Variants in CHRNA3 observed in about 807,000 individuals in gnomAD.
CHRNA3 encodes cholinergic receptor nicotinic alpha 3 subunit, also known as neuronal acetylcholine receptor subunit alpha-3.
Under a neutral mutation model 41.9 loss-of-function variants are expected in CHRNA3, and 34 were observed. The ratio of observed to expected loss-of-function variants is 0.81; its 90% CI spans 0.62 to 1.08. The LOEUF is 1.08. CHRNA3 is among the 50% of genes least tolerant of loss of function. The pLI, the probability that CHRNA3 is intolerant of heterozygous loss-of-function variation, is 0.00. For synonymous variants in CHRNA3, 281 were observed against 265.2 expected, an observed-to-expected ratio of 1.06 and a Z score of -0.58; for missense variants, 542 against 638.3, an observed-to-expected ratio of 0.85 and a Z score of 1.63.
At chr15:78,612,906 G>A (rs1488755578) in intron 4 of CHRNA3, among the ~76,000 whole-genome samples, 13 of 151,668 alleles carry the variant, frequency 8.6e-5, no homozygotes, top group Non-Finnish European at 2.9e-5. Context: ...AAAAGTGGGT[G>A]AAGGATATGA....
At chr15:78,617,696 G>A (rs1299401954) in intron 3 of CHRNA3, among the ~76,000 whole-genome samples, 1 of 152,198 alleles carries the variant, frequency 6.6e-6, no homozygotes, top group Non-Finnish European at 1.5e-5. Flanking sequence ...GGGAACGTGT[G>A]CATCAAGTAC....
chr15:78,613,779 AAAAAAACC>A (rs2053421028), intron 4 of CHRNA3, among the ~76,000 whole-genome samples: 3 of 23,070 alleles, frequency 1.3e-4, no homozygotes, highest in Admixed American at 7.5e-4. Flanking sequence ...AAAAAAACCA[AAAAAAACC>A]ACAAAAAAAT....
At chr15:78,615,242 C>T (rs1028248762) in intron 4 of CHRNA3, among the ~76,000 whole-genome samples, 3 of 152,194 alleles carry the variant, frequency 2.0e-5, no homozygotes, top group African/African-American at 7.2e-5. Context: ...AAGGCCCAGA[C>T]CTTTTCCCAG....
chr15:78,620,774 C>T lies in CHRNA3; in HGVS notation c.21G>A (p.Ser7=). 2 of 1,495,774 alleles carry T rather than the reference C, an allele frequency of 1.3e-6. No individual in the cohort carries two copies. The highest frequency in any genetic ancestry group is 2.1e-5 in the Admixed American group (1 of 47,240). 92.7% of individuals were successfully genotyped at this position (1,495,774 alleles called of 1,614,324 possible). A position where few individuals can be genotyped will look rare whatever the true frequency, so the allele number is the denominator to read the frequency against. The change falls in exon 1 of 6, where the codon TCG becomes TCA. Residue 7 remains serine (S), a synonymous_variant. Transcript: ENST00000326828. ...GCGGCGGCGACAGCGCCAGGGGCAG[C>T]GAGAGCGGGCCAGAGCCCATGGCTG... is the stretch of plus-strand genomic sequence containing the variant. MGSGPL[S]LPLALSPPRL...
At chr15:78,612,518 T>C in intron 4 of CHRNA3, among the ~76,000 whole-genome samples, 1 of 107,534 alleles carries the variant, frequency 9.3e-6, no homozygotes, top group African/African-American at 4.3e-5. Context: ...TAGCCATATG[T>C]AGAAAGCTGA....
At chr15:78,617,159 A>G (rs1421896540) in intron 3 of CHRNA3, 26 bp from the exon 4 acceptor site, 2 of 1,487,542 alleles carry the variant, frequency 1.3e-6, no homozygotes, top group African/African-American at 1.4e-5. Flanking sequence ...AGGGAGGGAG[A>G]AGGAGACGGT....
intron 4 of CHRNA3, among the ~76,000 whole-genome samples, chr15:78,606,697 C>T (rs1285750668): frequency 1.3e-5 from 2 of 150,706 alleles, no homozygotes; most frequent in Non-Finnish European, 3.0e-5. Context: ...AGATCGAGAC[C>T]ATCCTGGCTA....
At chr15:78,618,256 C>CT (rs138804289) in intron 3 of CHRNA3, 66,052 of 248,926 alleles carry the variant, frequency 0.27, 10,180 homozygotes, top group East Asian at 0.46. Flanking sequence ...GGAAAAAAAA[C>CT]TGAGTTTTTA....
chr15:78,596,820 G>T, intron 5 of CHRNA3, 88 bp from the exon 6 acceptor site: 2 of 1,480,134 alleles, frequency 1.4e-6, no homozygotes, highest in Non-Finnish European at 1.8e-6. Flanking sequence ...TCAACACGTT[G>T]CAGTAGAAGC....
chr15:78,604,686 C>G (rs1010900688), intron 4 of CHRNA3, among the ~76,000 whole-genome samples: 2 of 152,120 alleles, frequency 1.3e-5, no homozygotes, highest in South Asian at 4.1e-4. Flanking sequence ...AAAGGGCACT[C>G]AGTAAATATT....
intron 1 of CHRNA3, chr15:78,619,279 G>T (rs184492497): frequency 8.1e-5 from 22 of 271,046 alleles, no homozygotes; most frequent in Non-Finnish European, 1.2e-4. Context: ...GATTATAAAC[G>T]TATCCACCTC....
At chr15:78,604,463 A>G (rs781029962) in intron 4 of CHRNA3, among the ~76,000 whole-genome samples, 9 of 152,172 alleles carry the variant, frequency 5.9e-5, no homozygotes, top group African/African-American at 1.2e-4. Context: ...CCCAAAGAAC[A>G]TATACTAGAG....
intron 4 of CHRNA3, among the ~76,000 whole-genome samples, chr15:78,603,465 C>T (rs143595153): frequency 1.8e-4 from 27 of 152,358 alleles, no homozygotes; most frequent in African/African-American, 6.0e-4. Flanking sequence ...ACAACAATGG[C>T]CCTGCCCAGG....
chr15:78,606,432 G>A (rs1023430661), intron 4 of CHRNA3, among the ~76,000 whole-genome samples: 1 of 151,014 alleles, frequency 6.6e-6, no homozygotes, highest in Non-Finnish European at 1.5e-5. Flanking sequence ...TGAAGCTGAC[G>A]ATAATCTGAT....
At position 78,620,708 on chromosome 15, in the gene CHRNA3, C is replaced by G; in HGVS notation, c.82+5G>C. On this transcript the variant is annotated splice_donor_5th_base_variant and intron_variant, in intron 1 of 5. Coordinates refer to ENST00000326828, the MANE Select transcript of CHRNA3 (RefSeq NM_000743.5). ...CCTCCGGAGCCCTAACGCCTGTGCGCGTACCTGGCAGCAGAGACAGCAGCA... is the reference window on the plus strand; with the variant it reads ...CCTCCGGAGCCCTAACGCCTGTGCGGGTACCTGGCAGCAGAGACAGCAGCA... 6.7e-7 allele frequency: 1 copy of G among 1,501,938 alleles called. No homozygotes were observed. Among genetic ancestry groups the G allele is most frequent in the South Asian group, 1.2e-5 (1 of 81,624 alleles). The allele number at this position is 1,501,938 out of a possible 1,614,324, so 93.0% of individuals were successfully genotyped here. A position where few individuals can be genotyped will look rare whatever the true frequency, so the allele number is the denominator to read the frequency against.
intron 4 of CHRNA3, among the ~76,000 whole-genome samples, chr15:78,610,973 G>A (rs1028323109): frequency 1.6e-4 from 24 of 152,176 alleles, no homozygotes; most frequent in Admixed American, 7.2e-4. Flanking sequence ...AAATCTAGAA[G>A]AAATGGATAA....
chr15:78,601,327 G>A lies in CHRNA3; in HGVS notation c.1315C>T (p.Pro439Ser), dbSNP rs993219419. ...CTTTGGATGGCTTCTTTGATTTCTG[G>A]TGACAAAGCAGAGAGGGACAGCACA... Reference protein sequence around the residue: ...DAVLSLSALSPEIKEAIQSVK... With the variant: ...DAVLSLSALSSEIKEAIQSVK... The change falls in exon 5 of 6, where the codon CCA becomes TCA. Residue 439 changes from proline (P) to serine (S), a missense_variant. Physicochemically the swap from Pro to Ser is moderately conservative, Grantham distance 74. Transcript: ENST00000326828. The A allele has an allele frequency of 1.9e-6, 3 of 1,614,000 alleles. No individual in the cohort carries two copies. The highest frequency in any genetic ancestry group is 1.7e-5 in the Admixed American group (1 of 60,004).
At position 78,620,959 on chromosome 15, in the gene CHRNA3, G is replaced by T. The variant is rs1003739287; in HGVS notation, c.-165C>A. 1 of 939,754 alleles carries T rather than the reference G, an allele frequency of 1.1e-6. No homozygotes were observed. Among genetic ancestry groups the T allele is most frequent in the Non-Finnish European group, 1.4e-6 (1 of 739,050 alleles). The allele number at this position is 939,754 out of a possible 1,614,324, so 58.2% of individuals were successfully genotyped here. On this transcript the variant is annotated 5_prime_UTR_variant, in exon 1 of 6. Transcript: ENST00000326828. ...GCTTCGCCGCCGCTGGGTTTCCAGC[G>T]CCCTCGGACCCGCGGGAGGACAGGA...
chr15:78,617,237 T>C (rs1223646678), intron 3 of CHRNA3, 104 bp from the exon 4 acceptor site: 15 of 701,974 alleles, frequency 2.1e-5, no homozygotes, highest in Admixed American at 1.3e-4. Context: ...CCCTGCTGCA[T>C]GTGACCGAAC....
Sources: gnomAD v4.1 joint callset for allele counts (sites outside exome capture counted in the v4.1 genomes callset) on GRCh38, gnomAD v4.1.1 for gene constraint, MANE v1.5 for transcripts, NCBI Gene and HGNC (gene_info 2026-07-23, HGNC 2026-07-21) for gene names.